GSK3B: variants seen among roughly 807,000 people sequenced by gnomAD.
GSK3B encodes glycogen synthase kinase-3 beta.
In GSK3B, 15 loss-of-function variants were observed where a neutral mutation model predicts 56.4. That is an observed-to-expected ratio of 0.27 (90% CI 0.18 to 0.41). The LOEUF is 0.41. Among genes scored for constraint, GSK3B ranks in the 10% least tolerant of loss-of-function variants. The pLI, the probability that GSK3B is intolerant of heterozygous loss-of-function variation, is 1.00. For missense variants in GSK3B, 300 were observed against 513.4 expected (o/e 0.58, Z 4.02); for synonymous variants, 181 against 188.9 (o/e 0.96, Z 0.34).
intron 2 of GSK3B, among the ~76,000 whole-genome samples, chr3:119,998,328 G>C (rs554579011): frequency 1.3e-5 from 2 of 152,304 alleles, no homozygotes; most frequent in East Asian, 3.9e-4. Context: ...ACCTCAGAAA[G>C]CCCAGTGAAC....
Position 119,824,531 on chromosome 3 carries a change from T to C in GSK3B, c.*2257A>G, listed in dbSNP as rs1042910231. On this transcript the variant is annotated 3_prime_UTR_variant, in exon 11 of 11. Transcript: ENST00000264235. Reference sequence around the variant, plus strand: ...CGCTTGCTGGGCAGTTGGATCTGAATGCAGGTCCATTTCTCTATCACAGAC... The same window carrying C: ...CGCTTGCTGGGCAGTTGGATCTGAACGCAGGTCCATTTCTCTATCACAGAC... 4.7e-5 allele frequency: 10 copies of C among 214,514 alleles called. No individual in the cohort carries two copies. Among genetic ancestry groups the C allele is most frequent in the Non-Finnish European group, 5.6e-5 (6 of 106,206 alleles). 13.3% of individuals were successfully genotyped at this position (214,514 alleles called of 1,614,324 possible).
intron 3 of GSK3B, among the ~76,000 whole-genome samples, chr3:119,926,275 GA>G (rs2056887790): frequency 6.6e-6 from 1 of 151,628 alleles, no homozygotes; most frequent in African/African-American, 2.4e-5. Flanking sequence ...TGCTCTGGCT[GA>G]AAACCTTAGA....
In GSK3B at chr3:120,074,807, C is replaced by G. The variant is rs1024913759; in HGVS notation, c.88+18540G>C. On this transcript the variant is annotated intron_variant, in intron 1 of 10. Transcript: ENST00000264235. ...CAAAAAAGAAAAGGTCAGGACCAGA[C>G]AGCTTCACAGCTTAATTCTACCAAA... Among the ~76,000 whole-genome samples, 84 of 152,318 alleles carry G rather than the reference C, an allele frequency of 5.5e-4. 1 individual carries two copies. The highest frequency in any genetic ancestry group is 3.6e-3 in the Admixed American group (55 of 15,290).
chr3:120,034,554 T>C (rs1335502618), intron 1 of GSK3B, among the ~76,000 whole-genome samples: 1 of 152,216 alleles, frequency 6.6e-6, no homozygotes. Flanking sequence ...GGCTTATTTT[T>C]AAACTAATGA....
rs537360899 is a variant in GSK3B, at chr3:119,841,185, T to C, written c.1195+2070A>G. On this transcript the variant is annotated intron_variant, in intron 10 of 10. Coordinates refer to ENST00000264235, the MANE Select transcript of GSK3B (RefSeq NM_001146156.2). ...TTTTTATGTTGAAATCTGATTTCTA[T>C]AGCTGTAAAAATATACACATGTAAA... is the stretch of plus-strand genomic sequence containing the variant. Among the ~76,000 whole-genome samples the C allele has an allele frequency of 1.8e-4, 28 of 152,326 alleles. No individual in the cohort carries two copies. In the East Asian group the frequency reaches 2.1e-3, roughly 12 times the overall value.
At chr3:119,986,972 T>C (rs551676357) in intron 2 of GSK3B, among the ~76,000 whole-genome samples, 1 of 152,320 alleles carries the variant, frequency 6.6e-6, no homozygotes, top group South Asian at 2.1e-4. Flanking sequence ...GTGGCACATA[T>C]ACAGCATGGA....
chr3:119,980,660 AAT>A (rs2057451820), intron 2 of GSK3B, among the ~76,000 whole-genome samples: 1 of 152,170 alleles, frequency 6.6e-6, no homozygotes, highest in Non-Finnish European at 1.5e-5. Flanking sequence ...AGCCTTGTGT[AAT>A]TTTTTAATAA....
intron 5 of GSK3B, among the ~76,000 whole-genome samples, chr3:119,913,809 T>C (rs1474384983): frequency 6.6e-6 from 1 of 152,074 alleles, no homozygotes; most frequent in African/African-American, 2.4e-5. Context: ...ATCACTAGTT[T>C]TGAAGTTTGT....
intron 2 of GSK3B, among the ~76,000 whole-genome samples, chr3:119,954,264 G>A (rs1272487916): frequency 6.8e-6 from 1 of 146,692 alleles, no homozygotes. Flanking sequence ...GAATAGAATA[G>A]AATAGAATAG....
At chr3:120,008,740 T>C (rs1431765700) in intron 1 of GSK3B, among the ~76,000 whole-genome samples, 1 of 152,198 alleles carries the variant, frequency 6.6e-6, no homozygotes, top group East Asian at 1.9e-4. Context: ...CGTTAAGACC[T>C]AGGTCCATAA....
chr3:119,949,701 G>A (rs1298956509), intron 2 of GSK3B, among the ~76,000 whole-genome samples: 3 of 139,546 alleles, frequency 2.1e-5, no homozygotes, highest in East Asian at 2.2e-4. Context: ...TTACCTTTCA[G>A]AAAAGCATTC....
chr3:119,838,558 G>T (rs944226075), intron 10 of GSK3B, among the ~76,000 whole-genome samples: 5 of 152,182 alleles, frequency 3.3e-5, no homozygotes, highest in African/African-American at 9.6e-5. Context: ...AGGTTCATGA[G>T]ATTTTAAAAT....
At chr3:119,878,132 AT>A (rs1383963444) in intron 7 of GSK3B, among the ~76,000 whole-genome samples, 1 of 152,160 alleles carries the variant, frequency 6.6e-6, no homozygotes, top group East Asian at 1.9e-4. Context: ...TCAGAACTTC[AT>A]TCAAATTTTA....
chr3:119,833,123 C>T (rs1376799957), intron 10 of GSK3B: 3 of 168,940 alleles, frequency 1.8e-5, no homozygotes, highest in Non-Finnish European at 2.9e-5. Flanking sequence ...CTGCATCCCC[C>T]CACCCCCCGC....
At chr3:119,877,745 A>G (rs1203124923) in intron 7 of GSK3B, among the ~76,000 whole-genome samples, 1 of 152,184 alleles carries the variant, frequency 6.6e-6, no homozygotes, top group South Asian at 2.1e-4. Context: ...TACAGTACAC[A>G]ACAAAAATGT....
intron 2 of GSK3B, among the ~76,000 whole-genome samples, chr3:119,987,836 C>A (rs1415598894): frequency 6.6e-6 from 1 of 152,068 alleles, no homozygotes; most frequent in African/African-American, 2.4e-5. Context: ...CGGTATTTGG[C>A]TTTCTTTGGT....
intron 6 of GSK3B, among the ~76,000 whole-genome samples, chr3:119,907,202 A>T (rs1028983654): frequency 3.9e-5 from 6 of 152,134 alleles, no homozygotes; most frequent in Non-Finnish European, 7.4e-5. Flanking sequence ...AATAAGATGG[A>T]AGGTAATATG....
intron 1 of GSK3B, among the ~76,000 whole-genome samples, chr3:120,016,990 A>G (rs2057833278): frequency 6.6e-6 from 1 of 152,220 alleles, no homozygotes. Context: ...ACACGTCTAA[A>G]AGGCTTACAG....
At chr3:119,962,792 G>C (rs1005707866) in intron 2 of GSK3B, among the ~76,000 whole-genome samples, 1 of 152,206 alleles carries the variant, frequency 6.6e-6, no homozygotes, top group Non-Finnish European at 1.5e-5. Context: ...ACGGACCGGT[G>C]AGGGGCTGGT....
Sources: allele counts gnomAD v4.1 joint callset (sites outside exome capture counted in the v4.1 genomes callset), GRCh38; gene constraint gnomAD v4.1.1; transcripts MANE v1.5; gene names NCBI Gene and HGNC (gene_info 2026-07-23, HGNC 2026-07-21).